The following MYT1L variants were observed in gnomAD, a reference collection of about 807,000 sequenced individuals.
The protein encoded by MYT1L is myelin transcription factor 1 like.
MYT1L carries 12 observed loss-of-function variants against 126.7 expected under a neutral mutation model. The ratio of observed to expected loss-of-function variants is 0.09; its 90% CI spans 0.06 to 0.15. MYT1L has a LOEUF of 0.15. Among genes scored for constraint, MYT1L ranks in the 10% least tolerant of loss-of-function variants. The pLI, the probability that MYT1L is intolerant of heterozygous loss-of-function variation, is 1.00. For synonymous variants in MYT1L, 541 were observed against 604.2 expected (o/e 0.90, Z 1.53); for missense variants, 979 against 1,585.2 (o/e 0.62, Z 6.49).
At chr2:1,997,962 A>G (rs2062016046) in intron 4 of MYT1L, among the ~76,000 whole-genome samples, 1 of 152,212 alleles carries the variant, frequency 6.6e-6, no homozygotes. Flanking sequence ...AGTATCAGAG[A>G]GTGCTCAGAA....
intron 2 of MYT1L, among the ~76,000 whole-genome samples, chr2:2,211,382 T>C (rs900743508): frequency 6.6e-6 from 1 of 152,228 alleles, no homozygotes; most frequent in Non-Finnish European, 1.5e-5. Flanking sequence ...TTAATTTTGC[T>C]TTGAAGCATG....
intron 21 of MYT1L, among the ~76,000 whole-genome samples, chr2:1,834,010 C>T (rs769281487): frequency 1.3e-5 from 2 of 152,220 alleles, no homozygotes; most frequent in Non-Finnish European, 2.9e-5. Context: ...GAGCAGGGCC[C>T]CAAACCATGG....
intron 2 of MYT1L, among the ~76,000 whole-genome samples, chr2:2,201,939 T>C (rs545963179): frequency 6.6e-6 from 1 of 152,246 alleles, no homozygotes; most frequent in South Asian, 2.1e-4. Context: ...TTACTATAAA[T>C]GAAGTATAGA....
intron 3 of MYT1L, among the ~76,000 whole-genome samples, chr2:2,124,673 A>C (rs1396937575): frequency 1.3e-5 from 2 of 152,220 alleles, no homozygotes; most frequent in Non-Finnish European, 2.9e-5. Flanking sequence ...ATTCTTTCTT[A>C]AGACCATGTG....
At chr2:2,084,452 C>T (rs2076157917) in intron 3 of MYT1L, among the ~76,000 whole-genome samples, 2 of 152,252 alleles carry the variant, frequency 1.3e-5, no homozygotes, top group Non-Finnish European at 2.9e-5. Flanking sequence ...GAGAGCTCCC[C>T]TGCAGGTCCT....
chr2:2,049,352 G>C (rs567256833), intron 4 of MYT1L, among the ~76,000 whole-genome samples: 1 of 152,310 alleles, frequency 6.6e-6, no homozygotes, highest in South Asian at 2.1e-4. Flanking sequence ...TTATCAGAGA[G>C]ACACAAGAAT....
chr2:2,044,501 G>A (rs879743886), intron 4 of MYT1L, among the ~76,000 whole-genome samples: 17 of 152,266 alleles, frequency 1.1e-4, no homozygotes, highest in Non-Finnish European at 1.8e-4. Flanking sequence ...ACATGCATTC[G>A]AACCACAGCA....
Position 2,094,828 on chromosome 2 carries a change from G to A in MYT1L, c.-303-40705C>T, listed in dbSNP as rs142785221. Among the ~76,000 whole-genome samples, 63 of 152,246 alleles carry A rather than the reference G, an allele frequency of 4.1e-4. No homozygotes were observed. The South Asian group carries it at 0.011, about 26-fold the overall frequency. ...AGGAGATATACCTATTGTAAATGATGAGTTAATGGGTGTAGCACACCAACA... is the reference window on the plus strand; with the variant it reads ...AGGAGATATACCTATTGTAAATGATAAGTTAATGGGTGTAGCACACCAACA... On this transcript the variant is annotated intron_variant, in intron 3 of 24. Coordinates refer to ENST00000647738, the MANE Select transcript of MYT1L (RefSeq NM_001303052.2).
chr2:2,099,676 A>G (rs1011027006), intron 3 of MYT1L, among the ~76,000 whole-genome samples: 4 of 152,206 alleles, frequency 2.6e-5, no homozygotes, highest in Non-Finnish European at 4.4e-5. Flanking sequence ...ATGTCCTAAC[A>G]AAGAGTGAAA....
chr2:2,293,618 T>A (rs1344624234), intron 1 of MYT1L, among the ~76,000 whole-genome samples: 2 of 152,040 alleles, frequency 1.3e-5, no homozygotes, highest in Non-Finnish European at 2.9e-5. Context: ...GAGGAAGTAG[T>A]AACTGGTATA....
chr2:2,244,568 A>G (rs909732059), intron 2 of MYT1L, among the ~76,000 whole-genome samples: 1 of 152,208 alleles, frequency 6.6e-6, no homozygotes, highest in African/African-American at 2.4e-5. Flanking sequence ...ATGAGGCTTG[A>G]AGCCCCTGGG....
intron 4 of MYT1L, among the ~76,000 whole-genome samples, chr2:2,026,936 G>T (rs751227374): frequency 6.6e-6 from 1 of 152,110 alleles, no homozygotes; most frequent in Non-Finnish European, 1.5e-5. Context: ...TGAGTGTGGG[G>T]CCCCGTCACG....
intron 5 of MYT1L, among the ~76,000 whole-genome samples, chr2:1,988,068 A>G (rs1239946504): frequency 6.6e-6 from 1 of 152,116 alleles, no homozygotes; most frequent in Admixed American, 6.5e-5. Context: ...ATGCCTTTAA[A>G]ATAACTCTGG....
At chr2:1,821,947 T>C (rs1179606794) in intron 21 of MYT1L, among the ~76,000 whole-genome samples, 2 of 152,234 alleles carry the variant, frequency 1.3e-5, no homozygotes, top group African/African-American at 4.8e-5. Flanking sequence ...GAAGGAGGCC[T>C]GTGGCAGGGC....
At chr2:1,881,735 C>A (rs539275631) in intron 18 of MYT1L, among the ~76,000 whole-genome samples, 2 of 152,006 alleles carry the variant, frequency 1.3e-5, no homozygotes, top group East Asian at 2.0e-4. Flanking sequence ...GCTCCCTGTG[C>A]GGGTCACAGG....
intron 21 of MYT1L, among the ~76,000 whole-genome samples, chr2:1,830,729 A>G (rs2040040601): frequency 1.3e-5 from 2 of 152,032 alleles, no homozygotes; most frequent in African/African-American, 4.8e-5. Context: ...AGGCCTGGGG[A>G]ACTGTGGAGG....
intron 20 of MYT1L, 83 bp from the exon 21 acceptor site, chr2:1,839,453 C>A: frequency 1.6e-6 from 2 of 1,260,006 alleles, no homozygotes; most frequent in Middle Eastern, 2.0e-4. Context: ...AATAACCCGG[C>A]ATGAAGAAGA....
At chr2:1,861,932 T>A (rs1352861784) in intron 18 of MYT1L, among the ~76,000 whole-genome samples, 17 of 152,368 alleles carry the variant, frequency 1.1e-4, no homozygotes, top group East Asian at 3.9e-4. Context: ...CTGCAGCCTG[T>A]GTAATCCTGG....
chr2:2,186,598 G>C (rs2092225163), intron 2 of MYT1L, among the ~76,000 whole-genome samples: 1 of 152,078 alleles, frequency 6.6e-6, no homozygotes, highest in African/African-American at 2.4e-5. Context: ...AAGAAGTCAC[G>C]TTCTGCAGAC....
Sources: allele counts gnomAD v4.1 joint callset (sites outside exome capture counted in the v4.1 genomes callset), GRCh38; gene constraint gnomAD v4.1.1; transcripts MANE v1.5; gene names NCBI Gene and HGNC (gene_info 2026-07-23, HGNC 2026-07-21).